Variants in FAM210B observed in about 807,000 individuals in gnomAD.
FAM210B encodes mitochondrial inner membrane scaffold 2, also known as family with sequence similarity 210 member B.
A neutral mutation model predicts 14.9 loss-of-function variants in FAM210B; 11 were observed. The ratio of observed to expected loss-of-function variants is 0.74; its 90% CI spans 0.46 to 1.22. FAM210B has a LOEUF of 1.22. FAM210B is among the 50% of genes most tolerant of loss of function. The pLI is 0.00. For missense variants in FAM210B, 229 were observed against 250.1 expected (o/e 0.92, Z 0.57); for synonymous variants, 113 against 110.2 (o/e 1.03, Z -0.16).
In FAM210B at chr20:56,358,983, G is replaced by C; in HGVS notation, c.-23G>C. 1.7e-6 allele frequency: 2 copies of C among 1,208,014 alleles called. No homozygotes were observed. Among genetic ancestry groups the C allele is most frequent in the Non-Finnish European group, 2.1e-6 (2 of 973,890 alleles). The allele number at this position is 1,208,014 out of a possible 1,614,324, so 74.8% of individuals were successfully genotyped here. Reference sequence around the variant, plus strand: ...GCCCGCCTCCCGGGTCAGCGGCGCGGGTGCTGCGCCTAGCTGCGCACCATG... The same window carrying C: ...GCCCGCCTCCCGGGTCAGCGGCGCGCGTGCTGCGCCTAGCTGCGCACCATG... On this transcript the variant is annotated 5_prime_UTR_variant, in exon 1 of 3. Transcript: ENST00000371384.
chr20:56,366,356 G>A lies in FAM210B; in HGVS notation c.*69G>A. The A allele has an allele frequency of 1.3e-6, 2 of 1,511,666 alleles. No homozygotes were observed. Among genetic ancestry groups the A allele is most frequent in the Non-Finnish European group, 1.8e-6 (2 of 1,096,760 alleles). The allele number at this position is 1,511,666 out of a possible 1,614,324, so 93.6% of individuals were successfully genotyped here. ...TTACATGATTTGGATTGGTTTTAGGGTTTTAGGGTTGTAGGGTTTCTTTTG... is the reference window on the plus strand; with the variant it reads ...TTACATGATTTGGATTGGTTTTAGGATTTTAGGGTTGTAGGGTTTCTTTTG... On this transcript the variant is annotated 3_prime_UTR_variant, in exon 3 of 3. Transcript: ENST00000371384.
chr20:56,361,966 G>C (rs1172849194), intron 1 of FAM210B, among the ~76,000 whole-genome samples: 1 of 152,068 alleles, frequency 6.6e-6, no homozygotes, highest in Admixed American at 6.5e-5. Flanking sequence ...GACAGAGCAC[G>C]AATCTGTCTC....
At chr20:56,361,111 C>T (rs894139949) in intron 1 of FAM210B, among the ~76,000 whole-genome samples, 10 of 152,186 alleles carry the variant, frequency 6.6e-5, no homozygotes, top group Middle Eastern at 3.2e-3. Flanking sequence ...CTAGCAGCCC[C>T]GCCTGCCTGT....
In FAM210B at chr20:56,363,840, CATTA is replaced by C. The variant is rs1054388007; in HGVS notation, c.187-1243_187-1240del. ...AGTAAATCTGCCATCGCTTTTGCTG[CATTA>C]ATTTTGTGCGCACCGTCCTTTTTTG... On this transcript the variant is annotated intron_variant, in intron 1 of 2. Transcript: ENST00000371384. The surrounding 1 kb of genome is among the most constrained non-coding windows in gnomAD (Gnocchi z 4.1). 6.6e-6 allele frequency among the ~76,000 whole-genome samples: 1 copy of C among 152,168 alleles called. No homozygotes were observed. The highest frequency in any genetic ancestry group is 1.5e-5 in the Non-Finnish European group (1 of 68,040).
At chr20:56,365,343 CTTT>C (rs35912259) in intron 2 of FAM210B, 81 bp downstream of exon 2, 1 of 1,418,712 alleles carries the variant, frequency 7.0e-7, no homozygotes, top group Non-Finnish European at 9.6e-7. Context: ...TTTGCTAAGA[CTTT>C]TTTTTTAAGA....
chr20:56,367,839 G>T lies in FAM210B; in HGVS notation c.*1552G>T, dbSNP rs1983676295. The T allele has an allele frequency of 6.6e-6, 1 of 152,212 alleles. No homozygotes were observed. Among genetic ancestry groups the T allele is most frequent in the African/African-American group, 2.4e-5 (1 of 41,446 alleles). The allele number at this position is 152,212 out of a possible 1,614,324, so 9.4% of individuals were successfully genotyped here. On this transcript the variant is annotated 3_prime_UTR_variant, in exon 3 of 3. Transcript: ENST00000371384. Reference sequence around the variant, plus strand: ...CAGTCTGCCCTGTCACGTAGTTGAAGGAGTTGCATTTATCTTTCTGGCTCC... The same window carrying T: ...CAGTCTGCCCTGTCACGTAGTTGAATGAGTTGCATTTATCTTTCTGGCTCC...
chr20:56,365,367 C>A, intron 2 of FAM210B, 105 bp downstream of exon 2: 3 of 1,253,950 alleles, frequency 2.4e-6, no homozygotes, highest in Non-Finnish European at 3.3e-6. Flanking sequence ...CAGGGTCTCA[C>A]TCCACTGCCC....
At position 56,366,095 on chromosome 20, in the gene FAM210B, G is replaced by A. The variant is rs150704245; in HGVS notation, c.387G>A (p.Leu129=). ...VSSGVDMPAI[L]LKLGFKESLV... ...GTGGTGTGGACATGCCTGCAATCCT[G>A]CTGAAACTCGGATTTAAAGAGTCCC... The change falls in exon 3 of 3, where the codon CTG becomes CTA. Residue 129 remains leucine, a synonymous_variant. Transcript: ENST00000371384. The A allele has an allele frequency of 9.4e-5, 151 of 1,614,068 alleles. No individual in the cohort carries two copies. In the East Asian group the frequency reaches 3.0e-3, roughly 32 times the overall value.
chr20:56,361,902 G>A (rs112878144), intron 1 of FAM210B, among the ~76,000 whole-genome samples: 60 of 152,222 alleles, frequency 3.9e-4, no homozygotes, highest in African/African-American at 1.1e-3. Context: ...GCTTGAACCC[G>A]GGAGGCGGAG....
In FAM210B at chr20:56,363,391, T is replaced by C. The variant is rs1001518486; in HGVS notation, c.187-1696T>C. Among the ~76,000 whole-genome samples the C allele has an allele frequency of 6.6e-6, 1 of 152,118 alleles. No homozygotes were observed. ...GAAATGACGCCTTTGAAGTGGAAGC[T>C]CAACTCCTGGCTCAGCAGAAGGGAC... is the stretch of plus-strand genomic sequence containing the variant. On this transcript the variant is annotated intron_variant, in intron 1 of 2. Coordinates refer to ENST00000371384, the MANE Select transcript of FAM210B (RefSeq NM_080821.3). This position sits in a 1 kb window ranked among gnomAD's most constrained non-coding sequence, Gnocchi z 4.1.
chr20:56,359,150 C>CGGCT lies in FAM210B; in HGVS notation c.147_150dup (p.Leu51AlafsTer86), dbSNP rs1983481939. ...CCTGCTCCCGCCCAGGCTAGACGCC[C>CGGCT]GGCTGCTCCGCACGGCGCGCGGGGA... On this transcript the variant is annotated frameshift_variant, in exon 1 of 3. Transcript: ENST00000371384. LOFTEE classifies it high-confidence loss of function. This position sits in a 1 kb window ranked among gnomAD's most constrained non-coding sequence, Gnocchi z 4.3. 8.0e-7 allele frequency: 1 copy of CGGCT among 1,251,354 alleles called. No homozygotes were observed. The highest frequency in any genetic ancestry group is 3.6e-5 in the South Asian group (1 of 27,636). The allele number at this position is 1,251,354 out of a possible 1,614,324, so 77.5% of individuals were successfully genotyped here. A position where few individuals can be genotyped will look rare whatever the true frequency, so the allele number is the denominator to read the frequency against.
chr20:56,365,516 T>C lies in FAM210B; in HGVS notation c.362+254T>C, dbSNP rs749037961. Among the ~76,000 whole-genome samples the C allele has an allele frequency of 3.3e-5, 5 of 151,392 alleles. No individual in the cohort carries two copies. In the East Asian group the frequency reaches 5.9e-4, roughly 18 times the overall value. ...GCACCCAGCTGATTTGTTTGTTTGT[T>C]TGTTTTGGGGGACGGACTCTCGCTC... On this transcript the variant is annotated intron_variant, in intron 2 of 2. Transcript: ENST00000371384.
At position 56,359,856 on chromosome 20, in the gene FAM210B, G is replaced by A. The variant is rs1407611466; in HGVS notation, c.186+665G>A. The stretch of plus-strand genomic sequence containing the variant: ...GACACGCGGAGCCGGCGTCCAGCCC[G>A]GAGCGCATCCGGCCTGGCAGTCTGG... On this transcript the variant is annotated intron_variant, in intron 1 of 2. Transcript: ENST00000371384. This position sits in a 1 kb window ranked among gnomAD's most constrained non-coding sequence, Gnocchi z 4.3. Among the ~76,000 whole-genome samples the A allele has an allele frequency of 2.6e-5, 4 of 152,246 alleles. No individual in the cohort carries two copies. The highest frequency in any genetic ancestry group is 6.5e-5 in the Admixed American group (1 of 15,286).
Position 56,365,214 on chromosome 20 carries a change from T to C in FAM210B, c.314T>C (p.Ile105Thr), listed in dbSNP as rs1334035669. The C allele has an allele frequency of 1.9e-6, 3 of 1,614,010 alleles. No individual in the cohort carries two copies. Among genetic ancestry groups the C allele is most frequent in the Admixed American group, 3.3e-5 (2 of 59,978 alleles). Residue 105 changes from isoleucine (I) to threonine (T), a missense_variant, in exon 2 of 3, where the codon ATT becomes ACT. Transcript: ENST00000371384. ...EYGTVGVSLH[I>T]GISLISLGIF... ...GGCACTGTTGGCGTGTCATTGCACATTGGAATCTCATTAATTTCCTTGGGC... is the reference window on the plus strand; with the variant it reads ...GGCACTGTTGGCGTGTCATTGCACACTGGAATCTCATTAATTTCCTTGGGC...
chr20:56,359,121 T>A lies in FAM210B; in HGVS notation c.116T>A (p.Leu39Gln). The A allele has an allele frequency of 7.6e-7, 1 of 1,311,392 alleles. No homozygotes were observed. Among genetic ancestry groups the A allele is most frequent in the Non-Finnish European group, 9.7e-7 (1 of 1,033,056 alleles). 81.2% of individuals were successfully genotyped at this position (1,311,392 alleles called of 1,614,324 possible). A position where few individuals can be genotyped will look rare whatever the true frequency, so the allele number is the denominator to read the frequency against. ...CCCTGCGCCCCGCCGCCCCTGGCCC[T>A]GGCCCTGCTCCCGCCCAGGCTAGAC... ...TAPCAPPPLA[L>Q]ALLPPRLDAR... The change falls in exon 1 of 3, where the codon CTG becomes CAG. Residue 39 changes from leucine (L) to glutamine (Q), a missense_variant. Coordinates refer to ENST00000371384, the MANE Select transcript of FAM210B (RefSeq NM_080821.3). The surrounding 1 kb of genome is among the most constrained non-coding windows in gnomAD (Gnocchi z 4.3).
chr20:56,360,132 C>G, intron 1 of FAM210B: 1 of 464,554 alleles, frequency 2.2e-6, no homozygotes, highest in South Asian at 1.6e-5. Context: ...TGGACCCAGG[C>G]TTTCATCATG....
Position 56,359,013 on chromosome 20 carries a change from G to GGTTGCTGGC in FAM210B, c.17_25dup (p.Ala6_Leu8dup), listed in dbSNP as rs941682390. ...TGCGCCTAGCTGCGCACCATGGCCG[G>GGTTGCTGGC]GTTGCTGGCGTTGCTGGGTCCGGCA... On this transcript the variant is annotated inframe_insertion, in exon 1 of 3. Coordinates refer to ENST00000371384, the MANE Select transcript of FAM210B (RefSeq NM_080821.3). This position sits in a 1 kb window ranked among gnomAD's most constrained non-coding sequence, Gnocchi z 4.3. 65 of 1,324,980 alleles carry GGTTGCTGGC rather than the reference G, an allele frequency of 4.9e-5. No individual in the cohort carries two copies. The highest frequency in any genetic ancestry group is 5.8e-4 in the Middle Eastern group (2 of 3,442). The allele number at this position is 1,324,980 out of a possible 1,614,324, so 82.1% of individuals were successfully genotyped here.
At position 56,366,144 on chromosome 20, in the gene FAM210B, G is replaced by A. The variant is rs1352890733; in HGVS notation, c.436G>A (p.Gly146Ser). ...ESLVQSKMAA[G>S]TSTFVVAYAI... Reference sequence around the variant, plus strand: ...CCTGGTACAGTCAAAAATGGCAGCAGGCACAAGTACCTTCGTGGTGGCCTA... The same window carrying A: ...CCTGGTACAGTCAAAAATGGCAGCAAGCACAAGTACCTTCGTGGTGGCCTA... The change falls in exon 3 of 3, where the codon GGC (glycine) becomes AGC (serine). Residue 146 changes from glycine to serine, a missense_variant. Physicochemically the swap from Gly to Ser is moderately conservative, Grantham distance 56. Coordinates refer to ENST00000371384, the MANE Select transcript of FAM210B (RefSeq NM_080821.3). The A allele has an allele frequency of 6.2e-7, 1 of 1,614,046 alleles. No individual in the cohort carries two copies. Among genetic ancestry groups the A allele is most frequent in the Non-Finnish European group, 8.5e-7 (1 of 1,180,052 alleles).
chr20:56,359,391 CTG>C lies in FAM210B; in HGVS notation c.186+201_186+202del, dbSNP rs778576498. On this transcript the variant is annotated intron_variant, in intron 1 of 2. Transcript: ENST00000371384. The surrounding 1 kb of genome is among the most constrained non-coding windows in gnomAD (Gnocchi z 4.3). ...TCCTCCTAGTTGACAGCCAGAGAAA[CTG>C]AGGCTCGGGAAGGTGTGGCGCTCTG... is the stretch of plus-strand genomic sequence containing the variant. 6.6e-6 allele frequency among the ~76,000 whole-genome samples: 1 copy of C among 152,244 alleles called. No homozygotes were observed. The highest frequency in any genetic ancestry group is 1.5e-5 in the Non-Finnish European group (1 of 68,036).
Sources: allele counts gnomAD v4.1 joint callset (sites outside exome capture counted in the v4.1 genomes callset), GRCh38; gene constraint gnomAD v4.1.1; non-coding constraint Gnocchi (gnomAD v3.1); transcripts MANE v1.5; gene names NCBI Gene and HGNC (gene_info 2026-07-23, HGNC 2026-07-21).